Variants in DYNC2H1 observed in about 807,000 individuals in gnomAD.
DYNC2H1 encodes the protein dynein cytoplasmic 2 heavy chain 1.
A neutral mutation model predicts 570.0 loss-of-function variants in DYNC2H1; 410 were observed. The ratio of observed to expected loss-of-function variants is 0.72; its 90% CI spans 0.66 to 0.78. DYNC2H1 has a LOEUF of 0.78. Among genes scored for constraint, DYNC2H1 ranks in the 30% least tolerant of loss-of-function variants. The pLI, the probability that DYNC2H1 is intolerant of heterozygous loss-of-function variation, is 0.00. For synonymous variants in DYNC2H1, 1,688 were observed against 1,677.6 expected, an observed-to-expected ratio of 1.01 and a Z score of -0.15; for missense variants, 4,865 against 5,046.4, an observed-to-expected ratio of 0.96 and a Z score of 1.09.
chr11:103,162,405 T>C (rs553440415), intron 29 of DYNC2H1, among the ~76,000 whole-genome samples: 24 of 152,348 alleles, frequency 1.6e-4, no homozygotes, highest in African/African-American at 4.8e-4. Context: ...GATTCATAAA[T>C]ATTCATTGTT....
At position 103,277,604 on chromosome 11, in the gene DYNC2H1, CT is replaced by C. The variant is rs1266536769; in HGVS notation, c.10696-2743del. Reference sequence around the variant, plus strand: ...GCTTATAGTGGATTGTTTTCTCCTGCTGATAATTTTGGACCGTGAACCCATC... The same window carrying C: ...GCTTATAGTGGATTGTTTTCTCCTGCGATAATTTTGGACCGTGAACCCATC... On this transcript the variant is annotated intron_variant, in intron 70 of 88. Transcript: ENST00000375735. This position sits in a 1 kb window ranked among gnomAD's most constrained non-coding sequence, Gnocchi z 4.3. Among the ~76,000 whole-genome samples the C allele has an allele frequency of 2.0e-5, 3 of 152,092 alleles. No individual in the cohort carries two copies. Among genetic ancestry groups the C allele is most frequent in the Admixed American group, 1.3e-4 (2 of 15,268 alleles).
chr11:103,327,452 G>A (rs7948241), intron 82 of DYNC2H1, among the ~76,000 whole-genome samples: 26,281 of 151,690 alleles, frequency 0.17, 3,301 homozygotes, highest in African/African-American at 0.35. Context: ...TATTTCATAG[G>A]CTCCAAAAAA....
intron 34 of DYNC2H1, among the ~76,000 whole-genome samples, 197 bp downstream of exon 34, chr11:103,171,265 T>G (rs1310614802): frequency 6.6e-6 from 1 of 152,110 alleles, no homozygotes; most frequent in Non-Finnish European, 1.5e-5. Context: ...ATTATTCTTT[T>G]TTTTTGGGGG....
At chr11:103,454,427 ACTAC>A (rs1944717205) in intron 85 of DYNC2H1, among the ~76,000 whole-genome samples, 1 of 143,318 alleles carries the variant, frequency 7.0e-6, no homozygotes, top group South Asian at 2.3e-4. Context: ...GTCACTTAAA[ACTAC>A]CTGAGTTTAA....
intron 84 of DYNC2H1, among the ~76,000 whole-genome samples, chr11:103,427,838 C>T (rs1429316285): frequency 6.6e-6 from 1 of 152,084 alleles, no homozygotes; most frequent in East Asian, 1.9e-4. Context: ...TGGGGACACA[C>T]ACATTCAGTC....
At chr11:103,454,709 T>A (rs4298872) in intron 85 of DYNC2H1, among the ~76,000 whole-genome samples, 22,386 of 152,192 alleles carry the variant, frequency 0.15, 1,864 homozygotes, top group East Asian at 0.26. Context: ...GAATATGAGT[T>A]GATTATTTAA....
chr11:103,426,604 G>A (rs543486162), intron 84 of DYNC2H1, among the ~76,000 whole-genome samples: 1 of 152,208 alleles, frequency 6.6e-6, no homozygotes, highest in African/African-American at 2.4e-5. Flanking sequence ...ATGTTAGCTT[G>A]GAAGACTATA....
At chr11:103,134,561 C>A in intron 15 of DYNC2H1, 142 bp downstream of exon 15, 1 of 476,056 alleles carries the variant, frequency 2.1e-6, no homozygotes, top group Admixed American at 4.2e-5. Context: ...TAATTTTTGA[C>A]TGAATTATAT....
At chr11:103,174,213 C>A in intron 36 of DYNC2H1, 43 bp downstream of exon 36, 4 of 1,449,202 alleles carry the variant, frequency 2.8e-6, no homozygotes, top group Admixed American at 2.1e-5. Context: ...TTTTTAAAAA[C>A]ATAAGCGTTA....
At chr11:103,246,506 A>G (rs1456637257) in intron 65 of DYNC2H1, among the ~76,000 whole-genome samples, 1 of 152,072 alleles carries the variant, frequency 6.6e-6, no homozygotes, top group Non-Finnish European at 1.5e-5. Context: ...ATTTTATATC[A>G]TGATTGGTTC....
intron 83 of DYNC2H1, among the ~76,000 whole-genome samples, chr11:103,376,692 A>G (rs1941406995): frequency 6.6e-6 from 1 of 152,174 alleles, no homozygotes; most frequent in Non-Finnish European, 1.5e-5. Context: ...TTGACTTTAA[A>G]TCTTCATACT....
At chr11:103,219,771 G>T in intron 55 of DYNC2H1, 144 bp from the exon 56 acceptor site, 1 of 505,552 alleles carries the variant, frequency 2.0e-6, no homozygotes, top group Non-Finnish European at 3.4e-6. Context: ...CAGGCATTTT[G>T]GAAACTCTCT....
intron 83 of DYNC2H1, among the ~76,000 whole-genome samples, chr11:103,392,511 A>T (rs1349559241): frequency 1.3e-5 from 2 of 152,094 alleles, no homozygotes; most frequent in East Asian, 3.9e-4. Context: ...CTGTCCGACA[A>T]TCCGCAGTGA....
Position 103,244,704 on chromosome 11 carries a change from C to A in DYNC2H1, c.9919-547C>A, listed in dbSNP as rs1427336479. ...TATGGTTATAGTTATATACATATAT[C>A]ACTATACTATATATCTTATATACAT... On this transcript the variant is annotated intron_variant, in intron 64 of 88. Coordinates refer to ENST00000375735, the MANE Select transcript of DYNC2H1 (RefSeq NM_001377.3). The surrounding 1 kb of genome is among the most constrained non-coding windows in gnomAD (Gnocchi z 4.3). Among the ~76,000 whole-genome samples the A allele has an allele frequency of 6.8e-6, 1 of 147,668 alleles. No homozygotes were observed. Among genetic ancestry groups the A allele is most frequent in the African/African-American group, 2.5e-5 (1 of 40,652 alleles).
At chr11:103,148,002 T>TA in intron 19 of DYNC2H1, 115 bp downstream of exon 19, 1 of 722,096 alleles carries the variant, frequency 1.4e-6, no homozygotes, top group Non-Finnish European at 2.2e-6. Flanking sequence ...TGAACTAATT[T>TA]AAAAAAAGCA....
intron 84 of DYNC2H1, among the ~76,000 whole-genome samples, chr11:103,421,468 C>T (rs1943487239): frequency 6.6e-6 from 1 of 152,086 alleles, no homozygotes; most frequent in South Asian, 2.1e-4. Flanking sequence ...TAAAACTCTC[C>T]TCAGCAAATG....
rs191050725 is a variant in DYNC2H1 at position 103,455,333 on chromosome 11, C to T, written c.12566+38C>T. 1.7e-4 allele frequency: 264 copies of T among 1,568,172 alleles called. No homozygotes were observed. The African/African-American group carries it at 2.8e-3, about 17-fold the overall frequency. On this transcript the variant is annotated intron_variant, in intron 86 of 88. Transcript: ENST00000375735. Reference sequence around the variant, plus strand: ...AAATACTTTACCTATTTGTCCCTGACGGTAATTAGTTTTGCTTTATTGACT... The same window carrying T: ...AAATACTTTACCTATTTGTCCCTGATGGTAATTAGTTTTGCTTTATTGACT...
At chr11:103,148,679 A>G in intron 20 of DYNC2H1, 62 bp downstream of exon 20, 1 of 1,501,266 alleles carries the variant, frequency 6.7e-7, no homozygotes, top group Middle Eastern at 2.1e-4. Flanking sequence ...TGTTTAAATT[A>G]GGTAATTTTA....
At position 103,289,060 on chromosome 11, in the gene DYNC2H1, G is replaced by A. The variant is rs956472890; in HGVS notation, c.11095+1455G>A. 4.0e-5 allele frequency among the ~76,000 whole-genome samples: 6 copies of A among 151,886 alleles called. No homozygotes were observed. The highest frequency in any genetic ancestry group is 7.4e-5 in the Non-Finnish European group (5 of 67,996). ...TGGATCAGCTGACACAACCTAGTCC[G>A]GTAATCTGGCTCAACCAATTCTGTG... On this transcript the variant is annotated intron_variant, in intron 75 of 88. Coordinates refer to ENST00000375735, the MANE Select transcript of DYNC2H1 (RefSeq NM_001377.3). The surrounding 1 kb of genome is among the most constrained non-coding windows in gnomAD (Gnocchi z 4.2).
Sources: allele counts gnomAD v4.1 joint callset (sites outside exome capture counted in the v4.1 genomes callset), GRCh38; gene constraint gnomAD v4.1.1; non-coding constraint Gnocchi (gnomAD v3.1); transcripts MANE v1.5; gene names NCBI Gene and HGNC (gene_info 2026-07-23, HGNC 2026-07-21).